GRID2: variants seen among roughly 807,000 people sequenced by gnomAD.
The protein encoded by GRID2 is glutamate ionotropic receptor delta type subunit 2.
Under a neutral mutation model 114.8 loss-of-function variants are expected in GRID2, and 33 were observed. That is an observed-to-expected ratio of 0.29 (90% CI 0.22 to 0.38). GRID2 has a LOEUF of 0.38. GRID2 is among the 10% of genes least tolerant of loss of function. The pLI, the probability that GRID2 is intolerant of heterozygous loss-of-function variation, is 1.00. For synonymous variants in GRID2, 505 were observed against 449.9 expected, an observed-to-expected ratio of 1.12 and a Z score of -1.55; for missense variants, 1,184 against 1,257.7, an observed-to-expected ratio of 0.94 and a Z score of 0.89.
chr4:92,413,274 T>C (rs911092894), intron 1 of GRID2, among the ~76,000 whole-genome samples: 1 of 152,198 alleles, frequency 6.6e-6, no homozygotes, highest in Admixed American at 6.5e-5. Flanking sequence ...TATATTTTCA[T>C]TGATTGTATA....
chr4:92,359,541 C>T lies in GRID2; in HGVS notation c.88+54797C>T, dbSNP rs141932222. On this transcript the variant is annotated intron_variant, in intron 1 of 15. Transcript: ENST00000282020. ...AGGAAAAGCCCAGCACAATGCCTGG[C>T]AGTTTGCATTTACTAAACATGTGTT... Among the ~76,000 whole-genome samples the T allele has an allele frequency of 3.9e-3, 599 of 152,070 alleles. 2 individuals are homozygous for T. Among genetic ancestry groups the T allele is most frequent in the African/African-American group, 0.012 (507 of 41,512 alleles).
At chr4:93,675,888 T>C (rs903197287) in intron 14 of GRID2, among the ~76,000 whole-genome samples, 1 of 152,214 alleles carries the variant, frequency 6.6e-6, no homozygotes, top group Non-Finnish European at 1.5e-5. Flanking sequence ...CTCCAAAGAA[T>C]TTCCTAAGCA....
intron 11 of GRID2, among the ~76,000 whole-genome samples, chr4:93,479,992 A>T (rs1044014226): frequency 6.6e-6 from 1 of 152,158 alleles, no homozygotes; most frequent in Non-Finnish European, 1.5e-5. Context: ...CTTGTATAAG[A>T]TATAAAAAAC....
intron 8 of GRID2, among the ~76,000 whole-genome samples, chr4:93,335,694 C>CTTTTTTTTTTTTTTTTTTTTTTTTTTTTT (rs55823712): frequency 1.4e-5 from 2 of 141,726 alleles, no homozygotes; most frequent in African/African-American, 5.4e-5. Context: ...TTTCTTCTTT[C>CTTTTTTTTTTTTTTTTTTTTTTTTTTTTT]TTTTTTTTTT....
At chr4:93,594,847 T>C (rs1454401562) in intron 13 of GRID2, among the ~76,000 whole-genome samples, 1 of 152,164 alleles carries the variant, frequency 6.6e-6, no homozygotes, top group East Asian at 1.9e-4. Context: ...TTTCTTTGAT[T>C]AGGAAAGGGA....
chr4:92,322,699 A>G (rs1398702867), intron 1 of GRID2, among the ~76,000 whole-genome samples: 3 of 152,140 alleles, frequency 2.0e-5, no homozygotes, highest in African/African-American at 4.8e-5. Context: ...CTCAGCCTCA[A>G]TGTTCCCCTA....
At chr4:92,471,205 AT>A (rs1233818200) in intron 1 of GRID2, among the ~76,000 whole-genome samples, 1 of 152,086 alleles carries the variant, frequency 6.6e-6, no homozygotes, top group Non-Finnish European at 1.5e-5. Context: ...ATTCTGAGGT[AT>A]TGGTATAAGG....
intron 13 of GRID2, among the ~76,000 whole-genome samples, chr4:93,608,590 C>G (rs2149658273): frequency 7.0e-6 from 1 of 143,434 alleles, no homozygotes; most frequent in African/African-American, 2.6e-5. Flanking sequence ...CAATAGTTTA[C>G]TGAGAATGAT....
At chr4:92,816,184 A>C (rs1740895982) in intron 2 of GRID2, among the ~76,000 whole-genome samples, 1 of 150,746 alleles carries the variant, frequency 6.6e-6, no homozygotes, top group Non-Finnish European at 1.5e-5. Context: ...GTGTGGTGGC[A>C]CATGCGTGCA....
chr4:93,249,558 G>A (rs1391603260), intron 8 of GRID2, among the ~76,000 whole-genome samples: 1 of 151,984 alleles, frequency 6.6e-6, no homozygotes, highest in Admixed American at 6.6e-5. Flanking sequence ...CTTCAGCAGT[G>A]GTTTGTAGTT....
At chr4:92,796,577 A>G (rs1269087651) in intron 2 of GRID2, among the ~76,000 whole-genome samples, 6 of 151,902 alleles carry the variant, frequency 3.9e-5, no homozygotes, top group African/African-American at 9.7e-5. Flanking sequence ...TTACTAATAA[A>G]TGTTCTTTTT....
At chr4:92,553,078 T>A (rs1396138060) in intron 1 of GRID2, among the ~76,000 whole-genome samples, 1 of 152,164 alleles carries the variant, frequency 6.6e-6, no homozygotes, top group African/African-American at 2.4e-5. Context: ...GTCATTCTTC[T>A]TTTTGGTGGG....
At chr4:93,692,212 T>C (rs1382579368) in intron 14 of GRID2, among the ~76,000 whole-genome samples, 3 of 149,488 alleles carry the variant, frequency 2.0e-5, no homozygotes, top group Non-Finnish European at 3.0e-5. Context: ...ATTGGGGGGG[T>C]TGCAAATTTA....
intron 2 of GRID2, among the ~76,000 whole-genome samples, chr4:92,629,311 A>G (rs62307954): frequency 0.056 from 8,444 of 152,082 alleles, 296 homozygotes; most frequent in East Asian, 0.16. Flanking sequence ...ATTATTTTGG[A>G]ATGTTAATAA....
intron 1 of GRID2, among the ~76,000 whole-genome samples, chr4:92,526,102 G>T (rs540238918): frequency 3.4e-4 from 52 of 151,854 alleles, no homozygotes; most frequent in African/African-American, 1.3e-3. Flanking sequence ...CAAATAGATG[G>T]GTCATCTCTA....
chr4:92,314,866 A>T (rs541139124), intron 1 of GRID2, among the ~76,000 whole-genome samples: 1 of 152,180 alleles, frequency 6.6e-6, no homozygotes, highest in African/African-American at 2.4e-5. Context: ...ATTACAGGGC[A>T]AAGTTTATCA....
At chr4:93,202,854 C>T (rs1397759814) in intron 4 of GRID2, among the ~76,000 whole-genome samples, 3 of 152,006 alleles carry the variant, frequency 2.0e-5, no homozygotes, top group East Asian at 1.9e-4. Flanking sequence ...TGCTTTTTCT[C>T]CTTTATTTCC....
At chr4:93,524,578 C>A (rs1442946195) in intron 13 of GRID2, among the ~76,000 whole-genome samples, 1 of 151,410 alleles carries the variant, frequency 6.6e-6, no homozygotes, top group Non-Finnish European at 1.5e-5. Context: ...CAAAATCAGA[C>A]TCGATTAGAT....
chr4:93,545,610 C>T (rs1195792386), intron 13 of GRID2, among the ~76,000 whole-genome samples: 1 of 152,172 alleles, frequency 6.6e-6, no homozygotes, highest in African/African-American at 2.4e-5. Context: ...ACCACCTGTC[C>T]ATGGGAGCCG....
Sources: gnomAD v4.1 joint callset for allele counts (sites outside exome capture counted in the v4.1 genomes callset) on GRCh38, gnomAD v4.1.1 for gene constraint, MANE v1.5 for transcripts, NCBI Gene and HGNC (gene_info 2026-07-23, HGNC 2026-07-21) for gene names.